Variants in DLG2 observed in about 807,000 individuals in gnomAD.
DLG2 encodes the protein discs large MAGUK scaffold protein 2.
Under a neutral mutation model 132.5 loss-of-function variants are expected in DLG2, and 45 were observed. The ratio of observed to expected loss-of-function variants is 0.34; its 90% CI spans 0.27 to 0.44. The LOEUF (loss-of-function observed/expected upper bound fraction) is 0.44. DLG2 is among the 20% of genes least tolerant of loss of function. The pLI, the probability that DLG2 is intolerant of heterozygous loss-of-function variation, is 1.00. For missense variants in DLG2, 1,045 were observed against 1,196.9 expected, an observed-to-expected ratio of 0.87 and a Z score of 1.87; for synonymous variants, 424 against 419.6, an observed-to-expected ratio of 1.01 and a Z score of -0.13.
At chr11:84,624,720 G>A (rs938419414) in intron 6 of DLG2, among the ~76,000 whole-genome samples, 1 of 151,188 alleles carries the variant, frequency 6.6e-6, no homozygotes, top group Non-Finnish European at 1.5e-5. Context: ...CATTTTCAGT[G>A]AACATCACAG....
intron 8 of DLG2, among the ~76,000 whole-genome samples, chr11:84,214,228 TACATATATATGA>T (rs2096800009): frequency 1.5e-5 from 2 of 133,446 alleles, no homozygotes; most frequent in African/African-American, 7.1e-5. Context: ...AATACATATA[TACATATATATGA>T]ATATATATAT....
chr11:83,742,136 G>A (rs1217132506), intron 18 of DLG2, among the ~76,000 whole-genome samples: 1 of 151,722 alleles, frequency 6.6e-6, no homozygotes, highest in African/African-American at 2.4e-5. Flanking sequence ...ATAAACAAAT[G>A]GGTTTCAAAT....
chr11:84,896,335 A>C (rs1566303728), intron 6 of DLG2, among the ~76,000 whole-genome samples: 2 of 152,076 alleles, frequency 1.3e-5, no homozygotes, highest in African/African-American at 4.8e-5. Flanking sequence ...ACATGTTCTC[A>C]AACAGTTAGA....
chr11:84,192,478 C>T (rs763901239), intron 8 of DLG2, among the ~76,000 whole-genome samples: 3 of 152,180 alleles, frequency 2.0e-5, no homozygotes, highest in Non-Finnish European at 4.4e-5. Flanking sequence ...CGCCTCTAAT[C>T]CCAACATTTT....
At chr11:85,392,289 G>C (rs2086866655) in intron 3 of DLG2, among the ~76,000 whole-genome samples, 1 of 151,960 alleles carries the variant, frequency 6.6e-6, no homozygotes. Flanking sequence ...AATCATATAT[G>C]ACACAAACAA....
chr11:83,545,567 C>T (rs1391732785), intron 19 of DLG2, among the ~76,000 whole-genome samples: 1 of 152,022 alleles, frequency 6.6e-6, no homozygotes, highest in Non-Finnish European at 1.5e-5. Flanking sequence ...TTTGAAAGCC[C>T]GTCTTCTTTC....
At chr11:84,571,283 TTCC>T (rs2099483504) in intron 6 of DLG2, among the ~76,000 whole-genome samples, 1 of 152,002 alleles carries the variant, frequency 6.6e-6, no homozygotes, top group African/African-American at 2.4e-5. Flanking sequence ...CTTGTTTTTC[TTCC>T]TCTTCATTTC....
rs185503354 is a variant in DLG2, at chr11:84,111,663, T to C, written c.625-12616A>G. Among the ~76,000 whole-genome samples, 277 of 152,374 alleles carry C rather than the reference T, an allele frequency of 1.8e-3. 1 individual carries two copies. The highest frequency in any genetic ancestry group is 6.5e-3 in the African/African-American group (270 of 41,582). On this transcript the variant is annotated intron_variant, in intron 9 of 27. Coordinates refer to ENST00000376104, the MANE Select transcript of DLG2 (RefSeq NM_001142699.3). ...TGAATCACCTAATTAATTCTGCATT[T>C]GTTTCTTTGAGAACCTGCTATCTGT...
chr11:84,902,273 T>A (rs2154071233), intron 6 of DLG2, among the ~76,000 whole-genome samples: 1 of 152,208 alleles, frequency 6.6e-6, no homozygotes, highest in South Asian at 2.1e-4. Context: ...AACTAAGAAC[T>A]CTGGCTCTTG....
intron 21 of DLG2, among the ~76,000 whole-genome samples, chr11:83,502,830 G>A (rs2139217973): frequency 6.6e-6 from 1 of 152,184 alleles, no homozygotes; most frequent in Admixed American, 6.5e-5. Context: ...TAAAGTTACA[G>A]GATCCCCATT....
intron 6 of DLG2, among the ~76,000 whole-genome samples, chr11:84,807,232 G>A (rs1296337101): frequency 6.6e-6 from 1 of 152,158 alleles, no homozygotes; most frequent in Non-Finnish European, 1.5e-5. Context: ...GATCACCTGA[G>A]GTCAGGACTT....
intron 15 of DLG2, among the ~76,000 whole-genome samples, chr11:83,901,606 CA>C (rs1345488475): frequency 6.6e-6 from 1 of 152,186 alleles, no homozygotes; most frequent in African/African-American, 2.4e-5. Flanking sequence ...GAGGTTTTCC[CA>C]GCCATGTGGA....
chr11:85,352,867 C>CA (rs2083402602), intron 3 of DLG2, among the ~76,000 whole-genome samples: 1 of 152,102 alleles, frequency 6.6e-6, no homozygotes, highest in Admixed American at 6.5e-5. Flanking sequence ...AATGTTAGAC[C>CA]AAAAACCATA....
intron 6 of DLG2, among the ~76,000 whole-genome samples, chr11:84,752,700 C>A (rs998008135): frequency 5.0e-5 from 7 of 139,308 alleles, no homozygotes; most frequent in Non-Finnish European, 9.3e-5. Flanking sequence ...GTATATCTCC[C>A]AATGCTATCC....
intron 7 of DLG2, among the ~76,000 whole-genome samples, chr11:84,524,297 A>G (rs1479654208): frequency 6.6e-6 from 1 of 152,176 alleles, no homozygotes; most frequent in Non-Finnish European, 1.5e-5. Flanking sequence ...TCCTATGCCT[A>G]ACATTCCTTT....
intron 6 of DLG2, among the ~76,000 whole-genome samples, chr11:84,969,573 C>A (rs905954294): frequency 6.6e-6 from 1 of 152,118 alleles, no homozygotes; most frequent in Admixed American, 6.6e-5. Context: ...CCAAAGAACA[C>A]AAAAGAAACT....
chr11:84,179,741 G>A (rs1037671306), intron 8 of DLG2, among the ~76,000 whole-genome samples: 3 of 152,146 alleles, frequency 2.0e-5, no homozygotes, highest in Admixed American at 2.0e-4. Context: ...CTAACCTGTC[G>A]GGGTTTTACC....
rs927203203 is a variant in DLG2 at position 85,356,139 on chromosome 11, G to A, written c.41-70774C>T. On this transcript the variant is annotated intron_variant, in intron 3 of 27. Transcript: ENST00000376104. The stretch of plus-strand genomic sequence containing the variant: ...AAAGTTATAAGAAAAAGAGGCAGAA[G>A]AGCCACAGACTCTCCATTTGTTGCC... Among the ~76,000 whole-genome samples, 11 of 152,288 alleles carry A rather than the reference G, an allele frequency of 7.2e-5. No homozygotes were observed. In the East Asian group the frequency reaches 1.3e-3, roughly 19 times the overall value.
chr11:84,422,239 G>C (rs2098953302), intron 7 of DLG2, among the ~76,000 whole-genome samples: 2 of 152,134 alleles, frequency 1.3e-5, no homozygotes, highest in Non-Finnish European at 2.9e-5. Context: ...AGCACTTACT[G>C]TATGCAGCAC....
Sources: gnomAD v4.1 joint callset for allele counts (sites outside exome capture counted in the v4.1 genomes callset) on GRCh38, gnomAD v4.1.1 for gene constraint, MANE v1.5 for transcripts, NCBI Gene and HGNC (gene_info 2026-07-23, HGNC 2026-07-21) for gene names.